IREB2: variants seen among roughly 807,000 people sequenced by gnomAD.
IREB2 encodes the protein iron-responsive element-binding protein 2.
In IREB2, 39 loss-of-function variants were observed where a neutral mutation model predicts 118.8. The observed-to-expected ratio is 0.33, with a 90% CI of 0.25 to 0.43. The LOEUF is 0.43. Among genes scored for constraint, IREB2 ranks in the 20% least tolerant of loss-of-function variants. The probability of loss-of-function intolerance (pLI) is 1.00; values close to 1 mark genes in which losing one functional copy is unlikely to be tolerated. For missense variants in IREB2, 900 were observed against 1,147.3 expected, an observed-to-expected ratio of 0.78 and a Z score of 3.11; for synonymous variants, 372 against 392.2, an observed-to-expected ratio of 0.95 and a Z score of 0.61.
intron 2 of IREB2, among the ~76,000 whole-genome samples, chr15:78,458,565 G>A (rs534685447): frequency 7.9e-5 from 12 of 152,042 alleles, no homozygotes; most frequent in African/African-American, 2.2e-4. Flanking sequence ...ATGAGCCACC[G>A]TTCCCAGCTG....
intron 8 of IREB2, chr15:78,474,337 A>G (rs1050477270): frequency 6.6e-6 from 1 of 152,210 alleles, no homozygotes; most frequent in African/African-American, 2.4e-5. Flanking sequence ...AGCATTTGGT[A>G]TTGATCCTTC....
rs145399745 is a variant in IREB2 at position 78,462,939 on chromosome 15, A to G, written c.124A>G (p.Ile42Val). 5.0e-5 allele frequency: 80 copies of G among 1,610,808 alleles called. No individual in the cohort carries two copies. The highest frequency in any genetic ancestry group is 6.3e-5 in the Non-Finnish European group (74 of 1,178,748). ...GTKYDVLPYSIRVLLEAAVRN... is the reference protein window; with the variant it reads ...GTKYDVLPYSVRVLLEAAVRN... ...TGAATCAGATGTTCTGCCTTACTCA[A>G]TACGGGTCTTGTTGGAAGCTGCTGT... The change falls in exon 3 of 22, where the codon ATA becomes GTA. Residue 42 changes from isoleucine (I) to valine (V), a missense_variant. Ile to Val is a conservative substitution (Grantham distance 29, BLOSUM62 3). Coordinates refer to ENST00000258886, the MANE Select transcript of IREB2 (RefSeq NM_004136.4).
chr15:78,463,579 C>T (rs762976774), intron 3 of IREB2, among the ~76,000 whole-genome samples: 1 of 151,962 alleles, frequency 6.6e-6, no homozygotes, highest in African/African-American at 2.4e-5. Flanking sequence ...TGAAGCAATT[C>T]ATTAAAAATT....
chr15:78,455,432 T>A (rs1389247505), intron 2 of IREB2, among the ~76,000 whole-genome samples: 1 of 152,110 alleles, frequency 6.6e-6, no homozygotes, highest in Non-Finnish European at 1.5e-5. Context: ...TTAATATTGT[T>A]GAAAAAGCAA....
chr15:78,480,970 C>A (rs1395225427), intron 10 of IREB2, among the ~76,000 whole-genome samples: 5 of 151,452 alleles, frequency 3.3e-5, no homozygotes, highest in African/African-American at 1.2e-4. Context: ...GATGGCACCA[C>A]TGTATTCCAG....
chr15:78,439,217 C>T (rs1381592694), intron 1 of IREB2, among the ~76,000 whole-genome samples: 2 of 152,174 alleles, frequency 1.3e-5, no homozygotes, highest in African/African-American at 2.4e-5. Context: ...ATGCTAATTT[C>T]CTAGAGATTC....
intron 2 of IREB2, among the ~76,000 whole-genome samples, chr15:78,458,518 C>T (rs762149242): frequency 6.6e-6 from 1 of 152,012 alleles, no homozygotes; most frequent in East Asian, 1.9e-4. Flanking sequence ...TCAAATGATC[C>T]TCCAGCCTCA....
rs528755036 is a variant in IREB2, at chr15:78,466,172, G to T, written c.411-99G>T. 286 of 680,796 alleles carry T rather than the reference G, an allele frequency of 4.2e-4. 1 individual carries two copies. Among genetic ancestry groups the T allele is most frequent in the Middle Eastern group, 1.6e-3 (4 of 2,432 alleles). The allele number at this position is 680,796 out of a possible 1,614,324, so 42.2% of individuals were successfully genotyped here. A position where few individuals can be genotyped will look rare whatever the true frequency, so the allele number is the denominator to read the frequency against. On this transcript the variant is annotated intron_variant, in intron 4 of 21. Coordinates refer to ENST00000258886, the MANE Select transcript of IREB2 (RefSeq NM_004136.4). ...TACATTAGCCTTTAAACATCATTCA[G>T]TTACTTCCAGATAGCGTTGCTAATG...
At chr15:78,480,450 C>T (rs1444956173) in intron 10 of IREB2, among the ~76,000 whole-genome samples, 1 of 151,992 alleles carries the variant, frequency 6.6e-6, no homozygotes, top group African/African-American at 2.4e-5. Flanking sequence ...GAGGCTGAGG[C>T]AGGCAGATCA....
intron 8 of IREB2, chr15:78,473,666 T>C (rs1262831926): frequency 9.8e-6 from 3 of 305,068 alleles, no homozygotes. Context: ...CTGAGAAAAC[T>C]AAGGTACAGT....
At chr15:78,465,756 T>C (rs1292891292) in intron 4 of IREB2, among the ~76,000 whole-genome samples, 1 of 152,212 alleles carries the variant, frequency 6.6e-6, no homozygotes, top group African/African-American at 2.4e-5. Flanking sequence ...TTGAACTCAC[T>C]AAAGCTCTAT....
upstream of IREB2, chr15:78,438,126 T>G: frequency 1.8e-6 from 1 of 567,096 alleles, no homozygotes; most frequent in Non-Finnish European, 3.2e-6. Context: ...CTTTCTTTGT[T>G]TTCCTGTCCG....
At chr15:78,492,661 G>A (rs1188222364) in intron 18 of IREB2, among the ~76,000 whole-genome samples, 2 of 152,088 alleles carry the variant, frequency 1.3e-5, no homozygotes, top group African/African-American at 4.8e-5. Context: ...GTGGGCTCAA[G>A]CACTCCTCCT....
intron 3 of IREB2, among the ~76,000 whole-genome samples, chr15:78,464,637 G>A (rs1212120549): frequency 1.3e-5 from 2 of 152,198 alleles, no homozygotes; most frequent in East Asian, 3.8e-4. Flanking sequence ...AGGCTGGAGT[G>A]TAGTGATGTG....
At chr15:78,439,583 A>G (rs1024286650) in intron 1 of IREB2, among the ~76,000 whole-genome samples, 1 of 152,234 alleles carries the variant, frequency 6.6e-6, no homozygotes, top group Non-Finnish European at 1.5e-5. Flanking sequence ...TCAAAATTAA[A>G]TAAATTAAAA....
intron 10 of IREB2, among the ~76,000 whole-genome samples, chr15:78,478,739 G>A (rs545496252): frequency 8.5e-5 from 13 of 152,204 alleles, no homozygotes; most frequent in Middle Eastern, 3.4e-3. Flanking sequence ...AAATTCTAGA[G>A]TACCTGACCA....
chr15:78,458,280 A>G (rs2051138457), intron 2 of IREB2, among the ~76,000 whole-genome samples: 1 of 152,142 alleles, frequency 6.6e-6, no homozygotes, highest in South Asian at 2.1e-4. Flanking sequence ...CCTAATGTAA[A>G]CTGTGGGGTT....
At chr15:78,438,661 C>T (rs986230818) in intron 1 of IREB2, 4 of 490,612 alleles carry the variant, frequency 8.2e-6, no homozygotes, top group Non-Finnish European at 1.1e-5. Context: ...TGGCCCCCGT[C>T]AGCAACACCA....
At chr15:78,459,954 G>T (rs1265749460) in intron 2 of IREB2, among the ~76,000 whole-genome samples, 1 of 152,158 alleles carries the variant, frequency 6.6e-6, no homozygotes, top group Non-Finnish European at 1.5e-5. Flanking sequence ...TTAACTGGAA[G>T]TTAGAGCTAG....
Sources: gnomAD v4.1 joint callset for allele counts (sites outside exome capture counted in the v4.1 genomes callset) on GRCh38, gnomAD v4.1.1 for gene constraint, MANE v1.5 for transcripts, NCBI Gene and HGNC (gene_info 2026-07-23, HGNC 2026-07-21) for gene names.